The following ACSS3 variants were observed in gnomAD, a reference collection of about 807,000 sequenced individuals.
ACSS3 encodes acyl-CoA synthetase short chain family member 3.
Under a neutral mutation model 84.2 loss-of-function variants are expected in ACSS3, and 64 were observed. The ratio of observed to expected loss-of-function variants is 0.76; its 90% CI spans 0.62 to 0.94. The LOEUF (loss-of-function observed/expected upper bound fraction) is 0.94, where lower values mean the gene tolerates loss of function less well. Among genes scored for constraint, ACSS3 ranks in the 40% least tolerant of loss-of-function variants. The pLI, the probability that ACSS3 is intolerant of heterozygous loss-of-function variation, is 0.00. For missense variants in ACSS3, 815 were observed against 867.6 expected (o/e 0.94, Z 0.76); for synonymous variants, 317 against 310.1 (o/e 1.02, Z -0.23).
At chr12:81,147,761 A>AT (rs201935852) in intron 5 of ACSS3, among the ~76,000 whole-genome samples, 2,504 of 151,258 alleles carry the variant, frequency 0.017, 63 homozygotes, top group African/African-American at 0.058. Flanking sequence ...AGAACCATTC[A>AT]TTTTTTTTCT....
intron 8 of ACSS3, among the ~76,000 whole-genome samples, chr12:81,195,848 C>T (rs2135885992): frequency 6.6e-6 from 1 of 152,200 alleles, no homozygotes; most frequent in Non-Finnish European, 1.5e-5. Context: ...TTACCTTTGG[C>T]ATTTATTGTG....
In ACSS3 at chr12:81,107,509, T is replaced by TAC. The variant is rs199987577; in HGVS notation, c.312-2049_312-2048dup. ...GTTTTTTTTTTCAGGTACAAATATA[T>TAC]ACATATATATATATATATATATATA... On this transcript the variant is annotated intron_variant, in intron 1 of 15. Coordinates refer to ENST00000548058, the MANE Select transcript of ACSS3 (RefSeq NM_024560.4). Among the ~76,000 whole-genome samples the TAC allele has an allele frequency of 2.7e-3, 82 of 29,950 alleles. 2 individuals are homozygous for TAC. The highest frequency in any genetic ancestry group is 6.8e-3 in the South Asian group (5 of 740). The allele number at this position is 29,950 out of a possible 152,430, so 19.6% of individuals were successfully genotyped here.
At chr12:81,101,389 A>G (rs1446182066) in intron 1 of ACSS3, among the ~76,000 whole-genome samples, 1 of 152,160 alleles carries the variant, frequency 6.6e-6, no homozygotes, top group Non-Finnish European at 1.5e-5. Flanking sequence ...CAGAAGTTTT[A>G]TTACATAAAA....
chr12:81,220,789 T>TTA (rs1317207497), intron 11 of ACSS3, among the ~76,000 whole-genome samples: 2 of 152,114 alleles, frequency 1.3e-5, no homozygotes, highest in East Asian at 3.9e-4. Flanking sequence ...TCCCTTAACC[T>TTA]TGTCTCATAA....
rs1240586498 is a variant in ACSS3 at position 81,260,623 on chromosome 12, G to A, written c.*5701G>A. On this transcript the variant is annotated 3_prime_UTR_variant, in exon 16 of 16. Transcript: ENST00000548058. ...ACATTCTGAAATTAAATCTCTTATC[G>A]GGATGCTTTTCATTTTATCAGCTTC... The A allele has an allele frequency of 2.0e-5, 3 of 151,912 alleles. No individual in the cohort carries two copies. The highest frequency in any genetic ancestry group is 2.1e-4 in the South Asian group (1 of 4,810). 9.4% of individuals were successfully genotyped at this position (151,912 alleles called of 1,614,324 possible).
At chr12:81,190,714 GA>G (rs1470438819) in intron 8 of ACSS3, among the ~76,000 whole-genome samples, 1 of 151,954 alleles carries the variant, frequency 6.6e-6, no homozygotes, top group Admixed American at 6.6e-5. Flanking sequence ...CATTATTAAG[GA>G]AAATGATTTT....
chr12:81,223,644 G>T (rs1427229341), intron 11 of ACSS3, among the ~76,000 whole-genome samples: 1 of 151,924 alleles, frequency 6.6e-6, no homozygotes, highest in Non-Finnish European at 1.5e-5. Flanking sequence ...TCACATTATT[G>T]CCCAGTCTTT....
rs2034277575 is a variant in ACSS3, at chr12:81,255,809, C to CAACAAAAAA, written c.*889_*897dup. 1 of 152,158 alleles carries CAACAAAAAA rather than the reference C, an allele frequency of 6.6e-6. No individual in the cohort carries two copies. Among genetic ancestry groups the CAACAAAAAA allele is most frequent in the Non-Finnish European group, 1.5e-5 (1 of 68,116 alleles). 9.4% of individuals were successfully genotyped at this position (152,158 alleles called of 1,614,324 possible). ...AGACTCCATCTCAAAACAACAAAAA[C>CAACAAAAAA]AACAAAAAAACCACATGCCTGGCGG... is the stretch of plus-strand genomic sequence containing the variant. On this transcript the variant is annotated 3_prime_UTR_variant, in exon 16 of 16. Coordinates refer to ENST00000548058, the MANE Select transcript of ACSS3 (RefSeq NM_024560.4).
chr12:81,146,035 T>C (rs563479719), intron 5 of ACSS3, among the ~76,000 whole-genome samples: 15 of 152,356 alleles, frequency 9.8e-5, no homozygotes, highest in African/African-American at 3.4e-4. Flanking sequence ...ATGGCACTTA[T>C]TTTAACCTAT....
At chr12:81,165,082 T>C (rs1018328983) in intron 7 of ACSS3, among the ~76,000 whole-genome samples, 1 of 152,224 alleles carries the variant, frequency 6.6e-6, no homozygotes, top group Non-Finnish European at 1.5e-5. Flanking sequence ...TGGAAAAGAT[T>C]ATAAAGCTGA....
chr12:81,197,155 G>A (rs995353258), intron 8 of ACSS3, among the ~76,000 whole-genome samples: 1 of 151,696 alleles, frequency 6.6e-6, no homozygotes, highest in African/African-American at 2.4e-5. Flanking sequence ...TAGATTTAAA[G>A]GTATTATCTT....
At chr12:81,144,995 G>C (rs985314869) in intron 5 of ACSS3, among the ~76,000 whole-genome samples, 2 of 148,150 alleles carry the variant, frequency 1.3e-5, no homozygotes, top group African/African-American at 4.9e-5. Context: ...CCACCTCCCG[G>C]GTTCACGCCA....
chr12:81,159,078 G>C (rs1362600762), intron 7 of ACSS3, among the ~76,000 whole-genome samples: 1 of 152,130 alleles, frequency 6.6e-6, no homozygotes, highest in Non-Finnish European at 1.5e-5. Flanking sequence ...CAATGAGTAA[G>C]AGTAATTTAA....
intron 2 of ACSS3, among the ~76,000 whole-genome samples, chr12:81,120,729 A>G (rs1029275862): frequency 6.6e-6 from 1 of 152,204 alleles, no homozygotes; most frequent in Non-Finnish European, 1.5e-5. Context: ...GTAATACTTA[A>G]GTAAATAAAT....
At chr12:81,118,593 T>C (rs1171198413) in intron 2 of ACSS3, among the ~76,000 whole-genome samples, 1 of 152,204 alleles carries the variant, frequency 6.6e-6, no homozygotes, top group Admixed American at 6.5e-5. Context: ...AAGTACTCTT[T>C]CATTTCACAG....
chr12:81,082,059 T>C (rs7131752), intron 1 of ACSS3, among the ~76,000 whole-genome samples: 62,015 of 152,114 alleles, frequency 0.41, 14,893 homozygotes, highest in Non-Finnish European at 0.56. Flanking sequence ...CATTAAATTA[T>C]TACAAAAGAG....
At chr12:81,234,784 A>G (rs2033576878) in intron 13 of ACSS3, among the ~76,000 whole-genome samples, 1 of 151,190 alleles carries the variant, frequency 6.6e-6, no homozygotes, top group South Asian at 2.1e-4. Flanking sequence ...AGTTCTTTAT[A>G]TATTCTATAT....
At chr12:81,204,154 G>T (rs531794900) in intron 9 of ACSS3, among the ~76,000 whole-genome samples, 3 of 151,946 alleles carry the variant, frequency 2.0e-5, no homozygotes, top group South Asian at 2.1e-4. Context: ...TGTGATTTAA[G>T]ATCACTGTAA....
chr12:81,080,126 C>T (rs1880877038), intron 1 of ACSS3, among the ~76,000 whole-genome samples: 1 of 152,006 alleles, frequency 6.6e-6, no homozygotes. Flanking sequence ...AGTTAAGAAG[C>T]CACAGGTATA....
Sources: allele counts gnomAD v4.1 joint callset (sites outside exome capture counted in the v4.1 genomes callset), GRCh38; gene constraint gnomAD v4.1.1; transcripts MANE v1.5; gene names NCBI Gene and HGNC (gene_info 2026-07-23, HGNC 2026-07-21).